The following UNC13C variants were observed in gnomAD, a reference collection of about 807,000 sequenced individuals.
UNC13C encodes the protein protein unc-13 homolog C.
Under a neutral mutation model 245.4 loss-of-function variants are expected in UNC13C, and 174 were observed. The ratio of observed to expected loss-of-function variants is 0.71; its 90% confidence interval spans 0.63 to 0.80. The LOEUF (loss-of-function observed/expected upper bound fraction) is 0.80. Among genes scored for constraint, UNC13C ranks in the 30% least tolerant of loss-of-function variants. UNC13C has a pLI of 0.00. For missense variants in UNC13C, 2,829 were observed against 2,602.9 expected, an observed-to-expected ratio of 1.09 and a Z score of -1.89; for synonymous variants, 992 against 895.1, an observed-to-expected ratio of 1.11 and a Z score of -1.93.
chr15:54,014,935 T>G lies in UNC13C; in HGVS notation c.2032T>G (p.Tyr678Asp). 6.2e-7 allele frequency: 1 copy of G among 1,613,880 alleles called. No homozygotes were observed. Among genetic ancestry groups the G allele is most frequent in the South Asian group, 1.1e-5 (1 of 91,072 alleles). ...LDSSTQEGFD[Y>D]ETNSLFDQQL... ...TTCATCCACCCAGGAAGGTTTTGATTATGAAACAAACAGTCTTTTTGACCA... is the reference window on the plus strand; with the variant it reads ...TTCATCCACCCAGGAAGGTTTTGATGATGAAACAAACAGTCTTTTTGACCA... The change falls in exon 2 of 33, where the codon TAT becomes GAT. Residue 678 changes from tyrosine (Y) to aspartate (D), a missense_variant. Tyr to Asp is a radical substitution (Grantham distance 160). Transcript: ENST00000260323.
the UNC13C span, among the ~76,000 whole-genome samples, chr15:53,919,179 CTG>C: frequency 6.6e-6 from 1 of 152,260 alleles, no homozygotes; most frequent in South Asian, 2.1e-4. Context: ...CACCTACTAG[CTG>C]TGTGAGCTTG....
the UNC13C span, among the ~76,000 whole-genome samples, chr15:53,890,173 AC>A: frequency 6.8e-6 from 1 of 146,134 alleles, no homozygotes; most frequent in African/African-American, 2.5e-5. Flanking sequence ...ACGGATTCTC[AC>A]TGCGTCACCC....
chr15:54,429,419 C>T (rs957509463), intron 19 of UNC13C, among the ~76,000 whole-genome samples: 15 of 151,772 alleles, frequency 9.9e-5, no homozygotes, highest in Non-Finnish European at 1.6e-4. Flanking sequence ...AATGTTATCA[C>T]ATTATCCATA....
chr15:54,023,895 AAT>A lies in UNC13C; in HGVS notation c.2983+8011_2983+8012del, dbSNP rs1228287238. 2.0e-5 allele frequency among the ~76,000 whole-genome samples: 3 copies of A among 152,326 alleles called. No homozygotes were observed. In the East Asian group the frequency reaches 5.8e-4, roughly 29 times the overall value. On this transcript the variant is annotated intron_variant, in intron 2 of 32. Transcript: ENST00000260323. Reference sequence around the variant, plus strand: ...TGATGTTATGTCAAAACCTCAGATGAATAGTTTTTATTTGCTTGTTTCTGCTC... The same window carrying A: ...TGATGTTATGTCAAAACCTCAGATGAAGTTTTTATTTGCTTGTTTCTGCTC...
At chr15:54,515,535 A>G in intron 24 of UNC13C, among the ~76,000 whole-genome samples, 1 of 152,234 alleles carries the variant, frequency 6.6e-6, no homozygotes, top group Non-Finnish European at 1.5e-5. Context: ...ATACAGGTAT[A>G]TGAAAAAATC....
chr15:54,553,174 A>G (rs191470313), intron 28 of UNC13C, among the ~76,000 whole-genome samples: 8 of 113,666 alleles, frequency 7.0e-5, no homozygotes, highest in East Asian at 2.5e-4. Context: ...ACTGTATTCT[A>G]TATTACAATA....
At chr15:54,614,062 G>A (rs1900271649) in intron 30 of UNC13C, among the ~76,000 whole-genome samples, 2 of 151,964 alleles carry the variant, frequency 1.3e-5, no homozygotes, top group Admixed American at 1.3e-4. Context: ...GTTGCTGATT[G>A]TCATACTGCT....
chr15:54,599,667 T>C (rs767377323), intron 30 of UNC13C, among the ~76,000 whole-genome samples: 6 of 152,032 alleles, frequency 3.9e-5, no homozygotes, highest in Non-Finnish European at 7.4e-5. Context: ...GTCTAGACTG[T>C]TTTTAGGAAT....
chr15:54,213,848 A>T (rs1350016051), intron 4 of UNC13C, among the ~76,000 whole-genome samples: 5 of 152,018 alleles, frequency 3.3e-5, no homozygotes, highest in African/African-American at 1.2e-4. Flanking sequence ...GTATTGCTGG[A>T]AACTTTCAGA....
intron 1 of UNC13C, among the ~76,000 whole-genome samples, chr15:53,992,385 G>T (rs1320561941): frequency 6.6e-6 from 1 of 151,968 alleles, no homozygotes; most frequent in African/African-American, 2.4e-5. Context: ...TCTAGTTGTT[G>T]GTCTGGAGGT....
intron 2 of UNC13C, among the ~76,000 whole-genome samples, chr15:54,023,419 C>G (rs1895981293): frequency 6.6e-6 from 1 of 152,174 alleles, no homozygotes; most frequent in African/African-American, 2.4e-5. Flanking sequence ...TAGTTACATA[C>G]TGAGCTCTCT....
chr15:53,840,337 G>C, the UNC13C span, among the ~76,000 whole-genome samples: 1 of 152,054 alleles, frequency 6.6e-6, no homozygotes, highest in African/African-American at 2.4e-5. Context: ...CTTTAGCTCT[G>C]TTAAATAGAG....
intron 17 of UNC13C, among the ~76,000 whole-genome samples, chr15:54,358,108 C>T (rs1486524047): frequency 6.6e-6 from 1 of 151,888 alleles, no homozygotes; most frequent in African/African-American, 2.4e-5. Context: ...TTTCCAACTT[C>T]GTCAAAAATG....
chr15:54,079,102 TAGA>T (rs1446411344), intron 2 of UNC13C, among the ~76,000 whole-genome samples: 1 of 152,132 alleles, frequency 6.6e-6, no homozygotes, highest in East Asian at 1.9e-4. Context: ...GTTGACTTTG[TAGA>T]AGATCAGTTG....
At chr15:53,939,332 T>G in the UNC13C span, among the ~76,000 whole-genome samples, 914 of 152,170 alleles carry the variant, frequency 6.0e-3, 10 homozygotes, top group African/African-American at 0.021. Flanking sequence ...GTTCTGAAAT[T>G]GAGGCAGTAA....
intron 4 of UNC13C, among the ~76,000 whole-genome samples, chr15:54,195,969 T>C (rs2034339761): frequency 6.6e-6 from 1 of 152,120 alleles, no homozygotes; most frequent in Non-Finnish European, 1.5e-5. Context: ...TATGTGCAAG[T>C]TCTCCCCCTT....
At chr15:54,207,751 A>T (rs1449705890) in intron 4 of UNC13C, among the ~76,000 whole-genome samples, 1 of 152,142 alleles carries the variant, frequency 6.6e-6, no homozygotes, top group Non-Finnish European at 1.5e-5. Context: ...CCTGTCATGA[A>T]TATCATTCAC....
At chr15:54,181,781 T>A (rs2163198) in intron 4 of UNC13C, among the ~76,000 whole-genome samples, 39,135 of 151,584 alleles carry the variant, frequency 0.26, 5,238 homozygotes, top group African/African-American at 0.29. Flanking sequence ...TTTAAAAAAA[T>A]TTTTTTATGG....
intron 19 of UNC13C, among the ~76,000 whole-genome samples, chr15:54,438,949 T>C (rs903310423): frequency 2.0e-5 from 3 of 151,962 alleles, no homozygotes; most frequent in African/African-American, 7.2e-5. Flanking sequence ...AATATATTTT[T>C]TAATTTAATG....
Sources: gnomAD v4.1 joint callset for allele counts (sites outside exome capture counted in the v4.1 genomes callset) on GRCh38, gnomAD v4.1.1 for gene constraint, MANE v1.5 for transcripts, NCBI Gene and HGNC (gene_info 2026-07-23, HGNC 2026-07-21) for gene names.